Variants in SEMA5A observed in about 807,000 individuals in gnomAD.
The protein encoded by SEMA5A is semaphorin-5A.
In SEMA5A, 55 loss-of-function variants were observed where a neutral mutation model predicts 135.5. The ratio of observed to expected loss-of-function variants is 0.41; its 90% CI spans 0.33 to 0.51. SEMA5A has a LOEUF of 0.51. Among genes scored for constraint, SEMA5A ranks in the 20% least tolerant of loss-of-function variants. SEMA5A has a pLI of 0.37. For missense variants in SEMA5A, 1,290 were observed against 1,419.9 expected (o/e 0.91, Z 1.47); for synonymous variants, 580 against 546.5 (o/e 1.06, Z -0.85).
chr5:9,466,997 C>A (rs1759284405), intron 1 of SEMA5A, among the ~76,000 whole-genome samples: 1 of 152,256 alleles, frequency 6.6e-6, no homozygotes, highest in Admixed American at 6.5e-5. Context: ...GGCAGAAAGG[C>A]ATCCTCATAA....
At chr5:9,428,190 G>A (rs1040866450) in intron 2 of SEMA5A, among the ~76,000 whole-genome samples, 1 of 144,238 alleles carries the variant, frequency 6.9e-6, no homozygotes, top group African/African-American at 2.6e-5. Flanking sequence ...CCATCCAATT[G>A]ACCCAGAATT....
In SEMA5A at chr5:9,062,895, G is replaced by A. The variant is rs1415169595; in HGVS notation, c.2510C>T (p.Pro837Leu). Residue 837 changes from proline (P) to leucine (L), a missense_variant, in exon 18 of 23, where the codon CCC (proline) becomes CTC (leucine). Pro to Leu is a moderately conservative substitution (Grantham distance 98, BLOSUM62 -3). Coordinates refer to ENST00000382496, the MANE Select transcript of SEMA5A (RefSeq NM_003966.3). Reference sequence around the variant, plus strand: ...CTACACAATCCACTTACCTGGGCAGGGCAAAATGTTGCATTCCTGGTATTC... The same window carrying A: ...CTACACAATCCACTTACCTGGGCAGAGCAAAATGTTGCATTCCTGGTATTC... ...SLEYQECNIL[P>L]CPVDGVWSCW... 2 of 1,614,196 alleles carry A rather than the reference G, an allele frequency of 1.2e-6. No individual in the cohort carries two copies. Among genetic ancestry groups the A allele is most frequent in the Non-Finnish European group, 8.5e-7 (1 of 1,180,044 alleles).
At chr5:9,534,678 T>C (rs1442357934) in intron 1 of SEMA5A, among the ~76,000 whole-genome samples, 1 of 152,122 alleles carries the variant, frequency 6.6e-6, no homozygotes, top group Non-Finnish European at 1.5e-5. Flanking sequence ...AGCAAGTTTA[T>C]TAAAAGCAAA....
intron 5 of SEMA5A, among the ~76,000 whole-genome samples, chr5:9,279,152 T>C (rs186881532): frequency 2.1e-3 from 327 of 152,352 alleles, no homozygotes; most frequent in African/African-American, 7.4e-3. Flanking sequence ...GGGGCAGAGC[T>C]GCCAAAGGCC....
chr5:9,050,237 T>C (rs767956457), intron 21 of SEMA5A, among the ~76,000 whole-genome samples, 173 bp downstream of exon 21: 20 of 152,162 alleles, frequency 1.3e-4, no homozygotes, highest in Admixed American at 6.5e-4. Flanking sequence ...GATCGGTACA[T>C]CAAATATTGA....
intron 7 of SEMA5A, 111 bp from the exon 8 acceptor site, chr5:9,224,998 G>C: frequency 1.0e-6 from 1 of 987,158 alleles, no homozygotes; most frequent in Non-Finnish European, 1.5e-6. Context: ...AGCCTCTCGG[G>C]GGCCCATGGG....
chr5:9,410,207 T>A (rs1162852563), intron 2 of SEMA5A, among the ~76,000 whole-genome samples: 1 of 152,134 alleles, frequency 6.6e-6, no homozygotes, highest in Non-Finnish European at 1.5e-5. Flanking sequence ...AAAAATCATA[T>A]GATCATGTAG....
intron 1 of SEMA5A, among the ~76,000 whole-genome samples, chr5:9,508,861 C>T (rs903594758): frequency 5.3e-5 from 8 of 152,060 alleles, no homozygotes; most frequent in Non-Finnish European, 1.0e-4. Context: ...TTCTCAGTAC[C>T]TATTATAGAG....
At chr5:9,444,018 A>C (rs189270546) in intron 1 of SEMA5A, among the ~76,000 whole-genome samples, 4 of 152,344 alleles carry the variant, frequency 2.6e-5, no homozygotes, top group Admixed American at 1.3e-4. Context: ...TCAGAGGCTG[A>C]TCCATGGAGC....
chr5:9,239,622 G>A (rs1268795736), intron 5 of SEMA5A, among the ~76,000 whole-genome samples: 1 of 151,848 alleles, frequency 6.6e-6, no homozygotes, highest in Non-Finnish European at 1.5e-5. Flanking sequence ...AAACAGTATT[G>A]AGGATTGATT....
intron 3 of SEMA5A, among the ~76,000 whole-genome samples, chr5:9,372,806 A>C (rs369368620): frequency 6.2e-4 from 94 of 152,338 alleles, no homozygotes; most frequent in African/African-American, 2.2e-3. Flanking sequence ...CTGTGGACAC[A>C]CATGGAGCCT....
chr5:9,246,226 G>A (rs970006766), intron 5 of SEMA5A, among the ~76,000 whole-genome samples: 38 of 151,930 alleles, frequency 2.5e-4, no homozygotes, highest in African/African-American at 7.7e-4. Flanking sequence ...TAAATGTAGC[G>A]AAAAAAATCA....
intron 8 of SEMA5A, among the ~76,000 whole-genome samples, chr5:9,211,761 C>T (rs1746357455): frequency 6.6e-6 from 1 of 152,204 alleles, no homozygotes; most frequent in African/African-American, 2.4e-5. Context: ...TTAAAGACCT[C>T]AAGGGTCTAC....
At chr5:9,297,166 A>ATATATACATATACATATG (rs1028238739) in intron 5 of SEMA5A, among the ~76,000 whole-genome samples, 2 of 149,486 alleles carry the variant, frequency 1.3e-5, no homozygotes, top group South Asian at 2.1e-4. Context: ...AAATACATAT[A>ATATATACATATACATATG]TATATACATA....
intron 11 of SEMA5A, among the ~76,000 whole-genome samples, chr5:9,188,826 C>G (rs1014789270): frequency 1.3e-5 from 2 of 152,242 alleles, no homozygotes; most frequent in African/African-American, 4.8e-5. Context: ...CCTTGACCTC[C>G]CATCCCCTCC....
At position 9,099,133 on chromosome 5, in the gene SEMA5A, T is replaced by C. The variant is rs1042394235; in HGVS notation, c.2073+9007A>G. ...CAGACTCTTGATGGATTAATTCCTA[T>C]AATCCATCATTTTTCTTTTCTCTCC... On this transcript the variant is annotated intron_variant, in intron 16 of 22. Transcript: ENST00000382496. 3.9e-4 allele frequency among the ~76,000 whole-genome samples: 60 copies of C among 152,328 alleles called. 1 individual carries two copies. Among genetic ancestry groups the C allele is most frequent in the African/African-American group, 1.2e-3 (50 of 41,580 alleles).
intron 3 of SEMA5A, among the ~76,000 whole-genome samples, chr5:9,338,309 C>T (rs1200342903): frequency 1.3e-5 from 2 of 152,052 alleles, no homozygotes; most frequent in Non-Finnish European, 2.9e-5. Flanking sequence ...CTATTTTGGC[C>T]CCATGATTAG....
At position 9,153,441 on chromosome 5, in the gene SEMA5A, T is replaced by C. The variant is rs530612602; in HGVS notation, c.1481+1047A>G. Among the ~76,000 whole-genome samples the C allele has an allele frequency of 4.9e-4, 74 of 152,312 alleles. 2 individuals carry two copies. The South Asian group carries it at 0.015, about 32-fold the overall frequency. On this transcript the variant is annotated intron_variant, in intron 12 of 22. Coordinates refer to ENST00000382496, the MANE Select transcript of SEMA5A (RefSeq NM_003966.3). ...TTCCAAATTAAACTTTAAACACAAC[T>C]GTGGTTGATCGTGGATGTCCCACGG...
rs868713654 is a variant in SEMA5A at position 9,136,718 on chromosome 5, G to T, written c.1482-97C>A. 5 of 968,742 alleles carry T rather than the reference G, an allele frequency of 5.2e-6. No homozygotes were observed. The Admixed American group carries it at 8.8e-5, about 17-fold the overall frequency. 60.0% of individuals were successfully genotyped at this position (968,742 alleles called of 1,614,324 possible). A position where few individuals can be genotyped will look rare whatever the true frequency, so the allele number is the denominator to read the frequency against. On this transcript the variant is annotated intron_variant, in intron 12 of 22. Transcript: ENST00000382496. ...CCTGTCCCTTGGCAGAGAGGTATGG[G>T]ATTTCTTACATATGAAGCCCAATGG...
Sources: allele counts gnomAD v4.1 joint callset (sites outside exome capture counted in the v4.1 genomes callset), GRCh38; gene constraint gnomAD v4.1.1; transcripts MANE v1.5; gene names NCBI Gene and HGNC (gene_info 2026-07-23, HGNC 2026-07-21).